The following STMN3 variants were observed in gnomAD, a reference collection of about 807,000 sequenced individuals.
STMN3 encodes the protein stathmin 3.
A neutral mutation model predicts 23.2 loss-of-function variants in STMN3; 24 were observed. That is an observed-to-expected ratio of 1.03 (90% CI 0.75 to 1.45). The LOEUF (loss-of-function observed/expected upper bound fraction) is 1.45. Among genes scored for constraint, STMN3 ranks in the 40% most tolerant of loss-of-function variants. The pLI, the probability that STMN3 is intolerant of heterozygous loss-of-function variation, is 0.00. For synonymous variants in STMN3, 117 were observed against 103.4 expected, an observed-to-expected ratio of 1.13 and a Z score of -0.80; for missense variants, 235 against 237.6, an observed-to-expected ratio of 0.99 and a Z score of 0.07.
intron 1 of STMN3, among the ~76,000 whole-genome samples, chr20:63,649,342 T>C (rs2089840277): frequency 6.6e-6 from 1 of 152,086 alleles, no homozygotes; most frequent in Admixed American, 6.6e-5. Flanking sequence ...AGGGCAGGGC[T>C]GGTCAGGGGC....
intron 3 of STMN3, among the ~76,000 whole-genome samples, chr20:63,642,838 G>A (rs897731368): frequency 6.6e-6 from 1 of 152,112 alleles, no homozygotes; most frequent in African/African-American, 2.4e-5. Context: ...AGCAGGACCC[G>A]CACCCACATG....
At chr20:63,645,442 C>T (rs1454923923) in intron 1 of STMN3, among the ~76,000 whole-genome samples, 2 of 152,154 alleles carry the variant, frequency 1.3e-5, no homozygotes, top group Admixed American at 6.5e-5. Context: ...CACAGCCAGC[C>T]CTCTTGCCCA....
chr20:63,645,907 C>T (rs1482664602), intron 1 of STMN3, among the ~76,000 whole-genome samples: 3 of 151,934 alleles, frequency 2.0e-5, no homozygotes, highest in Admixed American at 6.6e-5. Flanking sequence ...GAGCCGAGGT[C>T]GCGCCATCGC....
At position 63,652,736 on chromosome 20, in the gene STMN3, C is replaced by T; in HGVS notation, c.19+591G>A. On this transcript the variant is annotated intron_variant, in intron 1 of 4. Transcript: ENST00000370053. This position sits in a 1 kb window ranked among gnomAD's most constrained non-coding sequence, Gnocchi z 5.3. ...GCCAGAGCAGGTGGCGCGGGCGTCGCAAAGGGTGGTCCCCGAGGCCGCAGC... is the reference window on the plus strand; with the variant it reads ...GCCAGAGCAGGTGGCGCGGGCGTCGTAAAGGGTGGTCCCCGAGGCCGCAGC... 1.0e-6 allele frequency: 1 copy of T among 985,868 alleles called. No homozygotes were observed. Among genetic ancestry groups the T allele is most frequent in the East Asian group, 1.1e-4 (1 of 8,798 alleles). The allele number at this position is 985,868 out of a possible 1,614,324, so 61.1% of individuals were successfully genotyped here.
At chr20:63,647,199 T>C (rs2089815736) in intron 1 of STMN3, among the ~76,000 whole-genome samples, 1 of 150,630 alleles carries the variant, frequency 6.6e-6, no homozygotes, top group African/African-American at 2.5e-5. Context: ...TTCCAGCTAC[T>C]TGGGAGGCTG....
chr20:63,653,185 G>A (rs1039392576), intron 1 of STMN3, 142 bp downstream of exon 1: 3 of 1,089,864 alleles, frequency 2.8e-6, no homozygotes, highest in African/African-American at 3.3e-5. Context: ...CCCAGCCTCG[G>A]GCGGGTCGGG....
chr20:63,650,006 T>G (rs1327229829), intron 1 of STMN3, among the ~76,000 whole-genome samples: 3 of 152,028 alleles, frequency 2.0e-5, no homozygotes, highest in Non-Finnish European at 2.9e-5. Context: ...TTCTGTATTT[T>G]TAGTAGAGAT....
At chr20:63,643,975 G>T in intron 2 of STMN3, 44 bp from the exon 3 acceptor site, 8 of 1,580,870 alleles carry the variant, frequency 5.1e-6, no homozygotes, top group Non-Finnish European at 6.8e-6. Flanking sequence ...CCCGGCCAGG[G>T]CATGGCGTGG....
chr20:63,653,225 A>T, intron 1 of STMN3, 102 bp downstream of exon 1: 1 of 1,422,616 alleles, frequency 7.0e-7, no homozygotes, highest in Non-Finnish European at 9.6e-7. Context: ...GGGTAGGAGA[A>T]GGGAAATTGG....
chr20:63,647,553 T>C (rs999435826), intron 1 of STMN3, among the ~76,000 whole-genome samples: 1 of 149,552 alleles, frequency 6.7e-6, no homozygotes, highest in South Asian at 2.1e-4. Flanking sequence ...GAGGCAGAGG[T>C]TGCAGTGAGC....
chr20:63,649,607 G>T (rs188529981), intron 1 of STMN3, among the ~76,000 whole-genome samples: 2 of 148,596 alleles, frequency 1.3e-5, no homozygotes. Context: ...CTCGGCTCAC[G>T]GCAAGCTCCG....
At chr20:63,648,054 G>A (rs1008542351) in intron 1 of STMN3, among the ~76,000 whole-genome samples, 27 of 143,768 alleles carry the variant, frequency 1.9e-4, no homozygotes, top group Admixed American at 1.4e-4. Flanking sequence ...TGAACTCCCG[G>A]CCTCAAGAGA....
At position 63,644,250 on chromosome 20, in the gene STMN3, T is replaced by G. The variant is rs777965666; in HGVS notation, c.79A>C (p.Thr27Pro). The G allele has an allele frequency of 6.2e-7, 1 of 1,613,746 alleles. No homozygotes were observed. The highest frequency in any genetic ancestry group is 8.5e-7 in the Non-Finnish European group (1 of 1,179,850). ...TAGACGGTATTGGGGTGCGGCTGTG[T>G]GTAGAAGCAGGAGCAGATGAGCGAC... ...VLSLICSCFY[T>P]QPHPNTVYQY... Residue 27 changes from threonine to proline, a missense_variant, in exon 2 of 5, where the codon ACA (threonine) becomes CCA (proline). Thr to Pro is a conservative substitution (Grantham distance 38). Coordinates refer to ENST00000370053, the MANE Select transcript of STMN3 (RefSeq NM_015894.4).
At chr20:63,645,974 A>G (rs1056585344) in intron 1 of STMN3, among the ~76,000 whole-genome samples, 3 of 151,958 alleles carry the variant, frequency 2.0e-5, no homozygotes, top group Non-Finnish European at 4.4e-5. Context: ...AAAAAGAGAG[A>G]GAGGAAGAAA....
At chr20:63,650,171 C>G (rs2089846648) in intron 1 of STMN3, among the ~76,000 whole-genome samples, 1 of 151,384 alleles carries the variant, frequency 6.6e-6, no homozygotes, top group South Asian at 2.1e-4. Flanking sequence ...CGCGCCCGGC[C>G]CCTCCCTCTC....
At chr20:63,643,550 G>C in intron 3 of STMN3, 1 of 822,422 alleles carries the variant, frequency 1.2e-6, no homozygotes, top group Non-Finnish European at 1.5e-6. Flanking sequence ...CAAAGTTCTG[G>C]GATTACAGGC....
At position 63,641,057 on chromosome 20, in the gene STMN3, C is replaced by G. The variant is rs1054026094; in HGVS notation, c.*281G>C. Reference sequence around the variant, plus strand: ...ACCGCCCTGGGTTTACCACGGTCACCGCCACCTCTCTCACAGGGCCCCCGG... The same window carrying G: ...ACCGCCCTGGGTTTACCACGGTCACGGCCACCTCTCTCACAGGGCCCCCGG... On this transcript the variant is annotated 3_prime_UTR_variant, in exon 5 of 5. Transcript: ENST00000370053. 9.4e-6 allele frequency: 5 copies of G among 531,626 alleles called. No individual in the cohort carries two copies. Among genetic ancestry groups the G allele is most frequent in the African/African-American group, 7.7e-5 (4 of 51,704 alleles). The allele number at this position is 531,626 out of a possible 1,614,324, so 32.9% of individuals were successfully genotyped here.
In STMN3 at chr20:63,653,390, T is replaced by C; in HGVS notation, c.-45A>G. Reference sequence around the variant, plus strand: ...CCTGCGGAGGCTGGAGAGGCGCAAGTGGCGGCCGGAGCTGCAGACGGCTGG... The same window carrying C: ...CCTGCGGAGGCTGGAGAGGCGCAAGCGGCGGCCGGAGCTGCAGACGGCTGG... On this transcript the variant is annotated 5_prime_UTR_variant, in exon 1 of 5. Transcript: ENST00000370053. 7.6e-7 allele frequency: 1 copy of C among 1,310,802 alleles called. No individual in the cohort carries two copies. The allele number at this position is 1,310,802 out of a possible 1,614,324, so 81.2% of individuals were successfully genotyped here. A position where few individuals can be genotyped will look rare whatever the true frequency, so the allele number is the denominator to read the frequency against.
In STMN3 at chr20:63,640,294, G is replaced by T. The variant is rs180886995; in HGVS notation, c.*1044C>A. 1.3e-5 allele frequency: 2 copies of T among 152,716 alleles called. No individual in the cohort carries two copies. The highest frequency in any genetic ancestry group is 3.8e-4 in the East Asian group (2 of 5,258). 9.5% of individuals were successfully genotyped at this position (152,716 alleles called of 1,614,324 possible). A position where few individuals can be genotyped will look rare whatever the true frequency, so the allele number is the denominator to read the frequency against. ...GGAAAGAAGGAACTCAGCCCAGAGG[G>T]TGTGGGCAGGAGAGGCCTGGAGTCA... On this transcript the variant is annotated 3_prime_UTR_variant, in exon 5 of 5. Transcript: ENST00000370053.
Sources: allele counts gnomAD v4.1 joint callset (sites outside exome capture counted in the v4.1 genomes callset), GRCh38; gene constraint gnomAD v4.1.1; non-coding constraint Gnocchi (gnomAD v3.1); transcripts MANE v1.5; gene names NCBI Gene and HGNC (gene_info 2026-07-23, HGNC 2026-07-21).